The following LRP1B variants were observed in gnomAD, a reference collection of about 807,000 sequenced individuals.
LRP1B encodes LDL receptor related protein 1B.
A neutral mutation model predicts 556.6 loss-of-function variants in LRP1B; 217 were observed. That is an observed-to-expected ratio of 0.39 (90% CI 0.35 to 0.44). The LOEUF is 0.44. Ranked by LOEUF, LRP1B falls within the 20% of genes least tolerant of loss-of-function variation. The pLI, the probability that LRP1B is intolerant of heterozygous loss-of-function variation, is 1.00. For missense variants in LRP1B, 5,053 were observed against 5,620.8 expected (o/e 0.90, Z 3.23); for synonymous variants, 2,047 against 1,865.8 (o/e 1.10, Z -2.50).
chr2:140,752,274 T>C (rs564538846), intron 35 of LRP1B, among the ~76,000 whole-genome samples: 35 of 150,252 alleles, frequency 2.3e-4, no homozygotes, highest in African/African-American at 7.8e-4. Context: ...ACGGAATAAA[T>C]AGAATTCTAC....
intron 2 of LRP1B, among the ~76,000 whole-genome samples, chr2:141,687,660 T>A (rs1691361940): frequency 2.0e-5 from 3 of 151,954 alleles, no homozygotes; most frequent in African/African-American, 7.2e-5. Flanking sequence ...TTGCATTTCA[T>A]CTCTTAAAAT....
chr2:141,099,296 A>G (rs899679152), intron 7 of LRP1B, among the ~76,000 whole-genome samples: 1 of 152,172 alleles, frequency 6.6e-6, no homozygotes, highest in African/African-American at 2.4e-5. Flanking sequence ...AAAGCTTATG[A>G]ATAGATCAAG....
chr2:140,744,248 G>T (rs1424443378), intron 35 of LRP1B, among the ~76,000 whole-genome samples: 1 of 151,710 alleles, frequency 6.6e-6, no homozygotes, highest in Non-Finnish European at 1.5e-5. Context: ...CCATTGCATT[G>T]TATACCTCAA....
intron 31 of LRP1B, among the ~76,000 whole-genome samples, chr2:140,830,658 G>GA (rs1361949291): frequency 1.3e-5 from 2 of 152,032 alleles, no homozygotes; most frequent in Non-Finnish European, 2.9e-5. Flanking sequence ...ACTGAGTGGA[G>GA]AAAAAATGAG....
chr2:141,901,124 C>T (rs911001019), intron 1 of LRP1B, among the ~76,000 whole-genome samples: 1 of 152,054 alleles, frequency 6.6e-6, no homozygotes, highest in Non-Finnish European at 1.5e-5. Flanking sequence ...TCACTGAGCT[C>T]TTTCTCTCTA....
chr2:141,200,266 C>T (rs555179115), intron 6 of LRP1B, among the ~76,000 whole-genome samples: 3 of 152,004 alleles, frequency 2.0e-5, no homozygotes, highest in Admixed American at 2.0e-4. Context: ...AACAAAAAAC[C>T]AAGATCATAT....
rs578194727 is a variant in LRP1B at position 140,485,474 on chromosome 2, T to A, written c.9294A>T (p.Gly3098=). 19 of 1,613,880 alleles carry A rather than the reference T, an allele frequency of 1.2e-5. No individual in the cohort carries two copies. In the South Asian group the frequency reaches 1.9e-4, roughly 16 times the overall value. ...CTGTGTCAGACCAATAGAGGTTTTT[T>A]CCAATCCAATCGACAGCAAGTGCAT... is the stretch of plus-strand genomic sequence containing the variant. ...VPNALAVDWI[G]KNLYWSDTEK... Residue 3098 remains glycine (G), a synonymous_variant, in exon 59 of 91, where the codon GGA becomes GGT. Coordinates refer to ENST00000389484, the MANE Select transcript of LRP1B (RefSeq NM_018557.3).
intron 3 of LRP1B, among the ~76,000 whole-genome samples, chr2:141,439,050 T>G (rs10198566): frequency 6.6e-6 from 1 of 152,038 alleles, no homozygotes; most frequent in South Asian, 2.1e-4. Flanking sequence ...TTTCAACCAT[T>G]TTATATAATG....
chr2:141,343,448 G>C (rs982288391), intron 3 of LRP1B, among the ~76,000 whole-genome samples: 46 of 152,032 alleles, frequency 3.0e-4, no homozygotes, highest in African/African-American at 1.0e-3. Context: ...ATTTTTGATT[G>C]AACACAAGAT....
chr2:141,247,441 C>G, intron 4 of LRP1B, 87 bp from the exon 5 acceptor site: 3 of 1,491,180 alleles, frequency 2.0e-6, no homozygotes, highest in Non-Finnish European at 1.8e-6. Context: ...TTTTGAACTT[C>G]GGAAATAGAC....
chr2:141,522,117 C>T (rs568606925), intron 2 of LRP1B, among the ~76,000 whole-genome samples: 10 of 152,098 alleles, frequency 6.6e-5, no homozygotes, highest in Non-Finnish European at 1.3e-4. Context: ...AGTAGCATCA[C>T]CTAGGAACTT....
chr2:141,792,049 T>TTC (rs917577756), intron 2 of LRP1B, among the ~76,000 whole-genome samples: 5 of 23,648 alleles, frequency 2.1e-4, no homozygotes, highest in Non-Finnish European at 3.8e-4. Flanking sequence ...TTTTCAAGTC[T>TTC]TTTTTTTTGG....
chr2:140,799,116 T>C (rs1690418188), intron 32 of LRP1B, among the ~76,000 whole-genome samples: 1 of 152,198 alleles, frequency 6.6e-6, no homozygotes, highest in African/African-American at 2.4e-5. Flanking sequence ...ATACAGACTT[T>C]TAAAACATAT....
chr2:141,773,115 C>T (rs1051107632), intron 2 of LRP1B, among the ~76,000 whole-genome samples: 6 of 152,138 alleles, frequency 3.9e-5, no homozygotes, highest in Non-Finnish European at 1.5e-5. Flanking sequence ...TAACTATCTT[C>T]AGTTATTTTC....
intron 49 of LRP1B, among the ~76,000 whole-genome samples, chr2:140,517,700 T>C (rs72617078): frequency 0.22 from 30,352 of 135,592 alleles, 3,954 homozygotes; most frequent in East Asian, 0.53. Flanking sequence ...AATACTATAT[T>C]TATCTTTCCT....
At chr2:140,475,770 A>G (rs1687950620) in intron 59 of LRP1B, among the ~76,000 whole-genome samples, 1 of 151,908 alleles carries the variant, frequency 6.6e-6, no homozygotes, top group African/African-American at 2.4e-5. Flanking sequence ...TCCTTAATAT[A>G]CATTGTTAAA....
intron 2 of LRP1B, among the ~76,000 whole-genome samples, chr2:141,480,914 G>T (rs966196312): frequency 6.6e-6 from 1 of 152,104 alleles, no homozygotes; most frequent in Non-Finnish European, 1.5e-5. Context: ...TATGGATAAT[G>T]GTTCTCCGCA....
chr2:140,788,197 A>G (rs1367185535), intron 32 of LRP1B, among the ~76,000 whole-genome samples: 1 of 152,202 alleles, frequency 6.6e-6, no homozygotes, highest in Non-Finnish European at 1.5e-5. Flanking sequence ...TGGTAGCTAT[A>G]TGGAATAAAC....
intron 41 of LRP1B, among the ~76,000 whole-genome samples, chr2:140,611,518 A>AT (rs1683071227): frequency 6.6e-6 from 1 of 152,156 alleles, no homozygotes; most frequent in African/African-American, 2.4e-5. Flanking sequence ...GAAAACAGAA[A>AT]AAGGCTATTC....
Sources: gnomAD v4.1 joint callset for allele counts (sites outside exome capture counted in the v4.1 genomes callset) on GRCh38, gnomAD v4.1.1 for gene constraint, MANE v1.5 for transcripts, NCBI Gene and HGNC (gene_info 2026-07-23, HGNC 2026-07-21) for gene names.